The following NAV1 variants were observed in gnomAD, a reference collection of about 807,000 sequenced individuals.
NAV1 encodes the protein pore membrane and/or filament interacting like protein 3.
NAV1 carries 18 observed loss-of-function variants against 175.2 expected under a neutral mutation model. The ratio of observed to expected loss-of-function variants is 0.10; its 90% confidence interval spans 0.07 to 0.15. The LOEUF (loss-of-function observed/expected upper bound fraction) is 0.15, where lower values mean the gene tolerates loss of function less well. NAV1 is among the 10% of genes least tolerant of loss of function. NAV1 has a pLI of 1.00. For missense variants in NAV1, 1,731 were observed against 2,436.6 expected, an observed-to-expected ratio of 0.71 and a Z score of 6.10; for synonymous variants, 897 against 978.7, an observed-to-expected ratio of 0.92 and a Z score of 1.56.
At chr1:201,814,225 C>T (rs1678881997) in intron 28 of NAV1, among the ~76,000 whole-genome samples, 1 of 151,892 alleles carries the variant, frequency 6.6e-6, no homozygotes, top group African/African-American at 2.4e-5. Flanking sequence ...AAAAAATCAG[C>T]CAGGCATGGT....
At chr1:201,541,915 A>T (rs924979674) in intron 1 of NAV1, among the ~76,000 whole-genome samples, 5 of 152,032 alleles carry the variant, frequency 3.3e-5, no homozygotes, top group African/African-American at 1.2e-4. Flanking sequence ...CATCTTTTAC[A>T]ATTTGTCTCT....
At chr1:201,670,236 C>G (rs758608946) in intron 1 of NAV1, among the ~76,000 whole-genome samples, 3 of 151,414 alleles carry the variant, frequency 2.0e-5, no homozygotes, top group Non-Finnish European at 4.4e-5. Context: ...AAAAATTAGC[C>G]GGGCGTGGTG....
chr1:201,812,589 G>A lies in NAV1; in HGVS notation c.5149G>A (p.Asp1717Asn). 6.2e-7 allele frequency: 1 copy of A among 1,614,152 alleles called. No individual in the cohort carries two copies. The change falls in exon 27 of 30, where the codon GAC (aspartate) becomes AAC (asparagine). Residue 1717 changes from aspartate to asparagine, a missense_variant. By Grantham distance (23) the Asp-to-Asn change is conservative (BLOSUM62 1). This residue lies in a region of NAV1 where 115 missense variants were observed against 269.4 expected (regional missense o/e 0.43). Transcript: ENST00000367296. The surrounding 1 kb of genome is among the most constrained non-coding windows in gnomAD (Gnocchi z 4.6). ...CAAGGAAGAGCTGCTTCGGGTGCTC[G>A]ACTGGGTACCCAAGCTGTGGTATCA...
At chr1:201,650,605 A>T (rs976556779) in intron 1 of NAV1, among the ~76,000 whole-genome samples, 3 of 152,308 alleles carry the variant, frequency 2.0e-5, no homozygotes, top group South Asian at 4.1e-4. Context: ...GGTGGGGAAC[A>T]TGCAAGAGCT....
At chr1:201,682,115 CAAAAAA>C (rs34550001) in intron 1 of NAV1, among the ~76,000 whole-genome samples, 2 of 83,474 alleles carry the variant, frequency 2.4e-5, no homozygotes, top group Middle Eastern at 6.8e-3. Context: ...GACTCCATCT[CAAAAAA>C]AAAAAAAAAA....
intron 1 of NAV1, among the ~76,000 whole-genome samples, chr1:201,664,864 A>G (rs1669752187): frequency 6.6e-6 from 1 of 152,048 alleles, no homozygotes; most frequent in Admixed American, 6.6e-5. Context: ...TTTCCCCTGC[A>G]GCCAGGCCTG....
intron 9 of NAV1, 70 bp downstream of exon 13, chr1:201,786,647 A>T: frequency 6.0e-6 from 9 of 1,498,538 alleles, no homozygotes; most frequent in Non-Finnish European, 8.1e-6. Flanking sequence ...GAGGCAAGGC[A>T]GGTGGGCTTT....
chr1:201,542,136 C>T lies in NAV1; in HGVS notation c.-144+2794C>T, dbSNP rs555103213. Among the ~76,000 whole-genome samples, 6 of 152,320 alleles carry T rather than the reference C, an allele frequency of 3.9e-5. No homozygotes were observed. In the South Asian group the frequency reaches 1.0e-3, roughly 26 times the overall value. On this transcript the variant is annotated intron_variant, in intron 1 of 33. Transcript: ENST00000685211. ...GGCTCAGAGCTACACAACTGGGGTA[C>T]TGCAGAAGCCCGCCTAGAATGCAGG...
exon 1 of NAV1, chr1:201,623,514 G>T (rs1163719587): frequency 2.0e-6 from 2 of 986,070 alleles, no homozygotes; most frequent in Non-Finnish European, 2.4e-6. Context: ...TGCAGGGCAA[G>T]CGCCCCTCTC....
intron 17 of NAV1, among the ~76,000 whole-genome samples, chr1:201,804,904 G>T (rs1024361027): frequency 2.0e-5 from 3 of 152,120 alleles, no homozygotes; most frequent in Non-Finnish European, 4.4e-5. Flanking sequence ...AAGTTATATT[G>T]ACCACAGTTT....
intron 10 of NAV1, 90 bp from the exon 15 acceptor site, chr1:201,789,650 A>G (rs1440608148): frequency 8.1e-7 from 1 of 1,229,510 alleles, no homozygotes; most frequent in Non-Finnish European, 1.2e-6. Context: ...CTCCAGAATC[A>G]CAATCCAAAC....
Position 201,793,889 on chromosome 1 carries a change from GAAA to G in NAV1, c.3405+15_3405+17del. 2.2e-5 allele frequency: 11 copies of G among 510,222 alleles called. No homozygotes were observed. Among genetic ancestry groups the G allele is most frequent in the Non-Finnish European group, 3.1e-5 (9 of 287,520 alleles). The allele number at this position is 510,222 out of a possible 1,614,324, so 31.6% of individuals were successfully genotyped here. A position where few individuals can be genotyped will look rare whatever the true frequency, so the allele number is the denominator to read the frequency against. On this transcript the variant is annotated intron_variant, in intron 14 of 29. Coordinates refer to ENST00000367296, the Ensembl canonical transcript of NAV1. ...GCCGAGGAGAAGGTGAGAGGCCTGG[GAAA>G]GGGTGGGAGGGGTGGGTGCGGCGAG... is the stretch of plus-strand genomic sequence containing the variant.
In NAV1 at chr1:201,740,072, C is replaced by T. The variant is rs1355123348; in HGVS notation, c.1226+21317C>T. ...ATCCGGAAGAACGGTGAATTTCCCC[C>T]GCAGGTAAGCGCCCCCACCCCCCTG... On this transcript the variant is annotated intron_variant, in intron 3 of 29. Coordinates refer to ENST00000367296, the Ensembl canonical transcript of NAV1. The surrounding 1 kb of genome is among the most constrained non-coding windows in gnomAD (Gnocchi z 4.7). The T allele has an allele frequency of 1.1e-5, 16 of 1,473,712 alleles. No individual in the cohort carries two copies. Among genetic ancestry groups the T allele is most frequent in the Non-Finnish European group, 1.4e-5 (16 of 1,110,496 alleles). 91.3% of individuals were successfully genotyped at this position (1,473,712 alleles called of 1,614,324 possible). A position where few individuals can be genotyped will look rare whatever the true frequency, so the allele number is the denominator to read the frequency against.
At chr1:201,752,407 G>T (rs1198158318) in intron 3 of NAV1, among the ~76,000 whole-genome samples, 3 of 152,188 alleles carry the variant, frequency 2.0e-5, no homozygotes, top group Non-Finnish European at 4.4e-5. Context: ...GAATCTTAGT[G>T]GGGGAGGAAG....
At chr1:201,745,884 G>A (rs766527711) in intron 3 of NAV1, among the ~76,000 whole-genome samples, 3 of 152,120 alleles carry the variant, frequency 2.0e-5, no homozygotes, top group Non-Finnish European at 2.9e-5. Context: ...TCATGTTACA[G>A]TTCAGTGGCG....
At chr1:201,687,961 G>A (rs1201733614) in intron 1 of NAV1, among the ~76,000 whole-genome samples, 3 of 152,206 alleles carry the variant, frequency 2.0e-5, no homozygotes, top group Admixed American at 6.5e-5. Context: ...TGTAATTAAC[G>A]AGGAATGACT....
At chr1:201,771,162 C>T (rs1355597015) in intron 3 of NAV1, among the ~76,000 whole-genome samples, 1 of 149,746 alleles carries the variant, frequency 6.7e-6, no homozygotes, top group African/African-American at 2.5e-5. Flanking sequence ...ATCTGGTGAC[C>T]CGGGAGGCAG....
chr1:201,736,546 A>T (rs1458806354), intron 3 of NAV1, among the ~76,000 whole-genome samples: 3 of 152,208 alleles, frequency 2.0e-5, no homozygotes, highest in Non-Finnish European at 4.4e-5. Flanking sequence ...AGGTGACTCC[A>T]GAGATCCTTT....
chr1:201,811,996 G>T, intron 26 of NAV1, 22 bp downstream of exon 30: 2 of 1,609,986 alleles, frequency 1.2e-6, no homozygotes, highest in Admixed American at 1.7e-5. Context: ...AGCTCTGGAT[G>T]AACCTTCTGA....
Sources: allele counts gnomAD v4.1 joint callset (sites outside exome capture counted in the v4.1 genomes callset), GRCh38; gene constraint gnomAD v4.1.1; regional missense constraint gnomAD v4.1.1; non-coding constraint Gnocchi (gnomAD v3.1); transcripts MANE v1.5; gene names NCBI Gene and HGNC (gene_info 2026-07-23, HGNC 2026-07-21).